Variants in NEGR1 observed in about 807,000 individuals in gnomAD.
The protein encoded by NEGR1 is neuronal growth regulator 1.
In NEGR1, 10 loss-of-function variants were observed where a neutral mutation model predicts 40.9. The observed-to-expected ratio is 0.24, with a 90% CI of 0.15 to 0.42. NEGR1 has a LOEUF of 0.42. NEGR1 is among the 10% of genes least tolerant of loss of function. NEGR1 has a pLI of 1.00. For missense variants in NEGR1, 352 were observed against 438.9 expected (o/e 0.80, Z 1.77); for synonymous variants, 185 against 166.8 (o/e 1.11, Z -0.84).
intron 2 of NEGR1, among the ~76,000 whole-genome samples, chr1:71,860,555 C>A (rs1031124473): frequency 6.6e-6 from 1 of 151,776 alleles, no homozygotes; most frequent in Non-Finnish European, 1.5e-5. Flanking sequence ...TTTGAAAAAT[C>A]ATTATATTAG....
At chr1:71,770,339 C>T (rs552588093) in intron 3 of NEGR1, among the ~76,000 whole-genome samples, 1 of 152,250 alleles carries the variant, frequency 6.6e-6, no homozygotes, top group African/African-American at 2.4e-5. Flanking sequence ...TTAGATAAAA[C>T]CACACAAAAT....
chr1:71,646,753 T>A (rs1057473628), intron 4 of NEGR1, among the ~76,000 whole-genome samples: 6 of 151,842 alleles, frequency 4.0e-5, no homozygotes, highest in Admixed American at 1.3e-4. Context: ...AGAAAACTGA[T>A]CTTTTTTTAT....
intron 1 of NEGR1, among the ~76,000 whole-genome samples, chr1:72,181,062 AGAG>A (rs2100412643): frequency 6.6e-6 from 1 of 152,262 alleles, no homozygotes; most frequent in African/African-American, 2.4e-5. Flanking sequence ...CAATAAATGA[AGAG>A]GAGGAAGGAC....
chr1:71,809,852 T>G (rs1440859081), intron 2 of NEGR1, among the ~76,000 whole-genome samples: 1 of 152,166 alleles, frequency 6.6e-6, no homozygotes, highest in African/African-American at 2.4e-5. Context: ...ATACATGATT[T>G]CTGAAAGTCT....
chr1:71,652,488 G>T (rs1158337438), intron 4 of NEGR1, among the ~76,000 whole-genome samples: 1 of 152,014 alleles, frequency 6.6e-6, no homozygotes, highest in Non-Finnish European at 1.5e-5. Flanking sequence ...GACATATATG[G>T]CTACTTATAT....
chr1:71,592,732 G>T, intron 6 of NEGR1, 85 bp downstream of exon 6: 2 of 1,026,636 alleles, frequency 1.9e-6, no homozygotes, highest in Non-Finnish European at 2.9e-6. Context: ...TAAAATGAAC[G>T]TACTCCATTC....
intron 1 of NEGR1, among the ~76,000 whole-genome samples, chr1:72,231,199 T>C (rs1654352733): frequency 6.6e-6 from 1 of 152,210 alleles, no homozygotes; most frequent in Admixed American, 6.6e-5. Context: ...CTCCTGAAGA[T>C]TGCTGTCAAC....
At chr1:72,097,100 T>A (rs1648732597) in intron 1 of NEGR1, among the ~76,000 whole-genome samples, 1 of 152,206 alleles carries the variant, frequency 6.6e-6, no homozygotes, top group African/African-American at 2.4e-5. Flanking sequence ...TTTTACTTTT[T>A]ATTTTCTCTT....
intron 2 of NEGR1, among the ~76,000 whole-genome samples, chr1:71,810,927 C>A (rs918468670): frequency 6.6e-6 from 1 of 152,102 alleles, no homozygotes; most frequent in Non-Finnish European, 1.5e-5. Context: ...TTTATAGCAG[C>A]GCAAGAATGG....
rs150766800 is a variant in NEGR1 at position 72,182,498 on chromosome 1, AAAAT to A, written c.176+99817_176+99820del. Among the ~76,000 whole-genome samples, 1,296 of 152,194 alleles carry A rather than the reference AAAAT, an allele frequency of 8.5e-3. 19 individuals are homozygous for A. The highest frequency in any genetic ancestry group is 0.03 in the African/African-American group (1,233 of 41,526). The stretch of plus-strand genomic sequence containing the variant: ...ACAGAGCAAGACTCTGTCTCAAAAT[AAAAT>A]AAATACATACAAATAAAATGTTCAG... On this transcript the variant is annotated intron_variant, in intron 1 of 6. Coordinates refer to ENST00000357731, the MANE Select transcript of NEGR1 (RefSeq NM_173808.3).
chr1:71,868,436 A>AAGATAGAT (rs59923029), intron 2 of NEGR1, among the ~76,000 whole-genome samples: 389 of 149,904 alleles, frequency 2.6e-3, no homozygotes, highest in South Asian at 0.011. Context: ...TAGATGATAG[A>AAGATAGAT]AGATAGATAG....
At chr1:72,158,700 A>C (rs1651449052) in intron 1 of NEGR1, among the ~76,000 whole-genome samples, 1 of 152,178 alleles carries the variant, frequency 6.6e-6, no homozygotes, top group Admixed American at 6.5e-5. Flanking sequence ...CCCTTTTTCT[A>C]GGTCACCATA....
intron 6 of NEGR1, among the ~76,000 whole-genome samples, chr1:71,421,218 A>T (rs1412751369): frequency 6.6e-6 from 1 of 152,064 alleles, no homozygotes; most frequent in Non-Finnish European, 1.5e-5. Context: ...GCCTAGAATC[A>T]AAAGAGTAGG....
At chr1:72,187,767 T>C (rs1414913928) in intron 1 of NEGR1, among the ~76,000 whole-genome samples, 2 of 151,476 alleles carry the variant, frequency 1.3e-5, no homozygotes, top group Admixed American at 1.3e-4. Context: ...ATGATCTTTA[T>C]TGATCTTCAC....
intron 1 of NEGR1, among the ~76,000 whole-genome samples, chr1:71,937,900 A>G (rs1416512962): frequency 6.6e-6 from 1 of 152,072 alleles, no homozygotes; most frequent in African/African-American, 2.4e-5. Context: ...TTTGGGGGGT[A>G]TTAGGGAAGA....
chr1:72,136,281 A>G (rs1650460958), intron 1 of NEGR1, among the ~76,000 whole-genome samples: 1 of 152,114 alleles, frequency 6.6e-6, no homozygotes. Context: ...TAGAGGATAT[A>G]CAATTATTAT....
intron 4 of NEGR1, among the ~76,000 whole-genome samples, chr1:71,666,638 C>T (rs1652252089): frequency 6.6e-6 from 1 of 151,966 alleles, no homozygotes; most frequent in South Asian, 2.1e-4. Flanking sequence ...ACAAATCTAT[C>T]TAGCAGTGTT....
intron 1 of NEGR1, among the ~76,000 whole-genome samples, chr1:72,062,581 T>C (rs973863353): frequency 1.1e-4 from 16 of 151,970 alleles, no homozygotes; most frequent in Admixed American, 8.5e-4. Flanking sequence ...TTTGAGGACA[T>C]ACATATACTG....
At chr1:71,448,416 T>C (rs1226462249) in intron 6 of NEGR1, among the ~76,000 whole-genome samples, 1 of 152,068 alleles carries the variant, frequency 6.6e-6, no homozygotes, top group Non-Finnish European at 1.5e-5. Flanking sequence ...CTGGCCAAGA[T>C]GGCAAAACCG....
Sources: gnomAD v4.1 joint callset for allele counts (sites outside exome capture counted in the v4.1 genomes callset) on GRCh38, gnomAD v4.1.1 for gene constraint, MANE v1.5 for transcripts, NCBI Gene and HGNC (gene_info 2026-07-23, HGNC 2026-07-21) for gene names.